The following BCAS3 variants were observed in gnomAD, a reference collection of about 807,000 sequenced individuals.
The protein encoded by BCAS3 is BCAS3 microtubule associated cell migration factor.
A neutral mutation model predicts 116.1 loss-of-function variants in BCAS3; 53 were observed. That is an observed-to-expected ratio of 0.46 (90% CI 0.37 to 0.57). The LOEUF (loss-of-function observed/expected upper bound fraction) is 0.57. BCAS3 is among the 20% of genes least tolerant of loss of function. BCAS3 has a pLI of 0.00. For missense variants in BCAS3, 917 were observed against 1,165.4 expected, an observed-to-expected ratio of 0.79 and a Z score of 3.10; for synonymous variants, 391 against 408.2, an observed-to-expected ratio of 0.96 and a Z score of 0.51.
intron 22 of BCAS3, among the ~76,000 whole-genome samples, chr17:61,190,734 G>C (rs1352745853): frequency 6.6e-6 from 1 of 151,872 alleles, no homozygotes; most frequent in Non-Finnish European, 1.5e-5. Context: ...CTCCCAAGTA[G>C]CTGGGATTAT....
At position 61,205,655 on chromosome 17, in the gene BCAS3, G is replaced by A. The variant is rs1343158003; in HGVS notation, c.2425+121091G>A. Among the ~76,000 whole-genome samples the A allele has an allele frequency of 6.6e-6, 1 of 152,194 alleles. No individual in the cohort carries two copies. Among genetic ancestry groups the A allele is most frequent in the African/African-American group, 2.4e-5 (1 of 41,450 alleles). ...CCTGCCGTTGGTCTGGAGTGAAGCAGAGCAGGAGAAAGGGCTCCTCATCAG... is the reference window on the plus strand; with the variant it reads ...CCTGCCGTTGGTCTGGAGTGAAGCAAAGCAGGAGAAAGGGCTCCTCATCAG... On this transcript the variant is annotated intron_variant, in intron 22 of 23. Coordinates refer to ENST00000407086, the MANE Select transcript of BCAS3 (RefSeq NM_017679.5). This position sits in a 1 kb window ranked among gnomAD's most constrained non-coding sequence, Gnocchi z 5.2.
intron 22 of BCAS3, among the ~76,000 whole-genome samples, chr17:61,328,159 TAA>T (rs151077628): frequency 6.7e-6 from 1 of 148,356 alleles, no homozygotes; most frequent in African/African-American, 2.5e-5. Context: ...CCTATAGCTT[TAA>T]AAAAAAAACC....
intron 4 of BCAS3, among the ~76,000 whole-genome samples, chr17:60,704,261 C>T (rs868367140): frequency 3.9e-5 from 6 of 152,070 alleles, no homozygotes; most frequent in South Asian, 2.1e-4. Context: ...CCACAAAAGA[C>T]ATTTATTAGT....
intron 22 of BCAS3, among the ~76,000 whole-genome samples, chr17:61,183,501 T>C (rs1013431835): frequency 5.3e-5 from 8 of 152,202 alleles, no homozygotes; most frequent in Non-Finnish European, 1.0e-4. Flanking sequence ...AACATATGTT[T>C]GTTATATTTT....
rs1460144170 is a variant in BCAS3, at chr17:61,261,672, A to AT, written c.2426-106655_2426-106654insT. ...ACAAATTGATGGTTGCATATACAGGAATTGGTTGAACCTTATTGTTTAAAT... is the reference window on the plus strand; with the variant it reads ...ACAAATTGATGGTTGCATATACAGGATATTGGTTGAACCTTATTGTTTAAAT... On this transcript the variant is annotated intron_variant, in intron 22 of 23. Coordinates refer to ENST00000407086, the MANE Select transcript of BCAS3 (RefSeq NM_017679.5). The surrounding 1 kb of genome is among the most constrained non-coding windows in gnomAD (Gnocchi z 4.4). Among the ~76,000 whole-genome samples, 4 of 152,198 alleles carry AT rather than the reference A, an allele frequency of 2.6e-5. No homozygotes were observed. Among genetic ancestry groups the AT allele is most frequent in the African/African-American group, 4.8e-5 (2 of 41,450 alleles).
In BCAS3 at chr17:60,962,172, T is replaced by C. The variant is rs760830739; in HGVS notation, c.1221+14820T>C. ...GAAGTACAGATATCCCCTAGATGCA[T>C]TGATTTTCTTTCTTTTGGCTATATA... On this transcript the variant is annotated intron_variant, in intron 14 of 23. Transcript: ENST00000407086. This position sits in a 1 kb window ranked among gnomAD's most constrained non-coding sequence, Gnocchi z 4.4. Among the ~76,000 whole-genome samples, 3 of 152,198 alleles carry C rather than the reference T, an allele frequency of 2.0e-5. No homozygotes were observed. The highest frequency in any genetic ancestry group is 2.1e-4 in the South Asian group (1 of 4,822).
chr17:60,910,525 T>C lies in BCAS3; in HGVS notation c.823-7T>C. The stretch of plus-strand genomic sequence containing the variant: ...TGAAGTCATACATTTTACCTTTCAT[T>C]GTACAGACATTGAAAAGTGGCCTGA... On this transcript the variant is annotated splice_polypyrimidine_tract_variant and splice_region_variant and intron_variant, in intron 11 of 23. Transcript: ENST00000407086. The C allele has an allele frequency of 6.3e-7, 1 of 1,590,118 alleles. No individual in the cohort carries two copies. The highest frequency in any genetic ancestry group is 1.1e-5 in the South Asian group (1 of 87,248).
At chr17:60,827,593 T>G (rs79926281) in intron 7 of BCAS3, among the ~76,000 whole-genome samples, 1 of 152,238 alleles carries the variant, frequency 6.6e-6, no homozygotes, top group Non-Finnish European at 1.5e-5. Context: ...TATGGAAATA[T>G]GATGAACGGC....
Position 61,063,518 on chromosome 17 carries a change from C to T in BCAS3, c.2030-11402C>T, listed in dbSNP as rs1277093772. Among the ~76,000 whole-genome samples the T allele has an allele frequency of 1.3e-5, 2 of 152,126 alleles. No individual in the cohort carries two copies. Among genetic ancestry groups the T allele is most frequent in the Non-Finnish European group, 2.9e-5 (2 of 68,006 alleles). ...CTCTTGATCTCGTGATCCGCCACCTCGGCCTCCCAAAGTGCTGGGATTACA... is the reference window on the plus strand; with the variant it reads ...CTCTTGATCTCGTGATCCGCCACCTTGGCCTCCCAAAGTGCTGGGATTACA... On this transcript the variant is annotated intron_variant, in intron 19 of 23. Coordinates refer to ENST00000407086, the MANE Select transcript of BCAS3 (RefSeq NM_017679.5). The surrounding 1 kb of genome is among the most constrained non-coding windows in gnomAD (Gnocchi z 5.3).
At position 61,012,842 on chromosome 17, in the gene BCAS3, T is replaced by C. The variant is rs2065201831; in HGVS notation, c.1487-2909T>C. Among the ~76,000 whole-genome samples, 1 of 152,084 alleles carries C rather than the reference T, an allele frequency of 6.6e-6. No individual in the cohort carries two copies. Among genetic ancestry groups the C allele is most frequent in the African/African-American group, 2.4e-5 (1 of 41,442 alleles). On this transcript the variant is annotated intron_variant, in intron 15 of 23. Transcript: ENST00000407086. This position sits in a 1 kb window ranked among gnomAD's most constrained non-coding sequence, Gnocchi z 4.5. Reference sequence around the variant, plus strand: ...TTCTCAGTGAATCACTTCATTTTCCTAGACCACTCCTTTTATCTGTCAAAT... The same window carrying C: ...TTCTCAGTGAATCACTTCATTTTCCCAGACCACTCCTTTTATCTGTCAAAT...
intron 7 of BCAS3, among the ~76,000 whole-genome samples, chr17:60,865,628 A>C (rs918555114): frequency 6.6e-6 from 1 of 152,216 alleles, no homozygotes; most frequent in Non-Finnish European, 1.5e-5. Context: ...ACCTTGGTAA[A>C]GTTCTAGTAG....
Position 61,243,310 on chromosome 17 carries a change from C to A in BCAS3, c.2426-125017C>A, listed in dbSNP as rs989755362. Among the ~76,000 whole-genome samples, 2 of 152,216 alleles carry A rather than the reference C, an allele frequency of 1.3e-5. No homozygotes were observed. Among genetic ancestry groups the A allele is most frequent in the African/African-American group, 2.4e-5 (1 of 41,450 alleles). On this transcript the variant is annotated intron_variant, in intron 22 of 23. Transcript: ENST00000407086. This position sits in a 1 kb window ranked among gnomAD's most constrained non-coding sequence, Gnocchi z 5.6. ...CCTGCTGCTCTGGCAGAATCTCTTT[C>A]TTATTTAAAGCTGAGTAATATTCCA...
intron 22 of BCAS3, among the ~76,000 whole-genome samples, chr17:61,292,994 TG>T (rs1229565320): frequency 1.3e-5 from 2 of 152,194 alleles, no homozygotes; most frequent in African/African-American, 4.8e-5. Flanking sequence ...AGGTTATTTA[TG>T]GGGGGTTATT....
At position 61,278,232 on chromosome 17, in the gene BCAS3, G is replaced by A. The variant is rs1354110656; in HGVS notation, c.2426-90095G>A. On this transcript the variant is annotated intron_variant, in intron 22 of 23. Coordinates refer to ENST00000407086, the MANE Select transcript of BCAS3 (RefSeq NM_017679.5). This position sits in a 1 kb window ranked among gnomAD's most constrained non-coding sequence, Gnocchi z 5.8. ...TAATTTTTGTATTTTTAGTAGAGACGGGGTTTCACCATGTTGGCCAGGCTG... is the reference window on the plus strand; with the variant it reads ...TAATTTTTGTATTTTTAGTAGAGACAGGGTTTCACCATGTTGGCCAGGCTG... 2.6e-5 allele frequency among the ~76,000 whole-genome samples: 4 copies of A among 152,036 alleles called. No homozygotes were observed. Among genetic ancestry groups the A allele is most frequent in the Admixed American group, 6.6e-5 (1 of 15,260 alleles).
chr17:60,684,045 C>G lies in BCAS3; in HGVS notation c.138+9C>G. On this transcript the variant is annotated intron_variant, in intron 3 of 23. Coordinates refer to ENST00000407086, the MANE Select transcript of BCAS3 (RefSeq NM_017679.5). ...AGGATGTTGTGCCACAGGTAAGTGT[C>G]TATATGTGCTTTCGCCTTTCCCTTT... 1 of 1,612,870 alleles carries G rather than the reference C, an allele frequency of 6.2e-7. No individual in the cohort carries two copies. Among genetic ancestry groups the G allele is most frequent in the Non-Finnish European group, 8.5e-7 (1 of 1,179,130 alleles).
intron 6 of BCAS3, among the ~76,000 whole-genome samples, chr17:60,805,102 T>C (rs1406368287): frequency 6.6e-6 from 1 of 151,756 alleles, no homozygotes; most frequent in East Asian, 1.9e-4. Context: ...GATATATAGT[T>C]ATCGTTATAT....
In BCAS3 at chr17:61,355,557, G is replaced by A. The variant is rs2058093776; in HGVS notation, c.2426-12770G>A. 6.6e-6 allele frequency among the ~76,000 whole-genome samples: 1 copy of A among 152,204 alleles called. No individual in the cohort carries two copies. Among genetic ancestry groups the A allele is most frequent in the South Asian group, 2.1e-4 (1 of 4,828 alleles). On this transcript the variant is annotated intron_variant, in intron 22 of 23. Coordinates refer to ENST00000407086, the MANE Select transcript of BCAS3 (RefSeq NM_017679.5). The surrounding 1 kb of genome is among the most constrained non-coding windows in gnomAD (Gnocchi z 4.2). ...CAAATGAACCTAGGATCCTAATCCT[G>A]ACTGTACCCTTGACCTTGTCATCTT...
chr17:61,072,339 T>C (rs1299131574), intron 19 of BCAS3, among the ~76,000 whole-genome samples: 2 of 152,288 alleles, frequency 1.3e-5, no homozygotes, highest in East Asian at 3.9e-4. Flanking sequence ...TCATCTGTAA[T>C]TCTACCTCCC....
At chr17:60,881,351 A>G (rs1285991724) in intron 9 of BCAS3, among the ~76,000 whole-genome samples, 3 of 151,556 alleles carry the variant, frequency 2.0e-5, no homozygotes, top group Non-Finnish European at 4.4e-5. Context: ...CAATTTATGT[A>G]TTTTTCTTTT....
Sources: allele counts gnomAD v4.1 joint callset (sites outside exome capture counted in the v4.1 genomes callset), GRCh38; gene constraint gnomAD v4.1.1; non-coding constraint Gnocchi (gnomAD v3.1); transcripts MANE v1.5; gene names NCBI Gene and HGNC (gene_info 2026-07-23, HGNC 2026-07-21).